Variants in TARS1 observed in about 807,000 individuals in gnomAD.
The protein encoded by TARS1 is threonyl-tRNA synthetase 1.
In TARS1, 57 loss-of-function variants were observed where a neutral mutation model predicts 97.7. The observed-to-expected ratio is 0.58, with a 90% CI of 0.47 to 0.73. TARS1 has a LOEUF of 0.73. Among genes scored for constraint, TARS1 ranks in the 30% least tolerant of loss-of-function variants. TARS1 has a pLI of 0.00. For synonymous variants in TARS1, 312 were observed against 293.7 expected (o/e 1.06, Z -0.64); for missense variants, 806 against 888.3 (o/e 0.91, Z 1.18).
chr5:33,459,054 T>C (rs896211759), intron 10 of TARS1, among the ~76,000 whole-genome samples: 1 of 152,206 alleles, frequency 6.6e-6, no homozygotes, highest in African/African-American at 2.4e-5. Context: ...TTAACAAATA[T>C]TCACATTGGG....
At position 33,460,883 on chromosome 5, in the gene TARS1, C is replaced by T; in HGVS notation, c.1251-19C>T. On this transcript the variant is annotated intron_variant, in intron 11 of 18. Transcript: ENST00000265112. ...AGTTTTATTCTTAAGTGTCCGTGGACTTTTCTTTTTCTCTTCAGCCTTATG... is the reference window on the plus strand; with the variant it reads ...AGTTTTATTCTTAAGTGTCCGTGGATTTTTCTTTTTCTCTTCAGCCTTATG... 1 of 1,613,256 alleles carries T rather than the reference C, an allele frequency of 6.2e-7. No homozygotes were observed. The highest frequency in any genetic ancestry group is 8.5e-7 in the Non-Finnish European group (1 of 1,179,734).
chr5:33,458,869 A>G (rs957804729), intron 10 of TARS1, among the ~76,000 whole-genome samples: 3 of 152,130 alleles, frequency 2.0e-5, no homozygotes, highest in African/African-American at 7.2e-5. Flanking sequence ...TTGAAGGGGG[A>G]CCTGTGGTCC....
In TARS1 at chr5:33,459,723, A is replaced by G; in HGVS notation, c.1112A>G (p.Glu371Gly). The G allele has an allele frequency of 6.2e-7, 1 of 1,614,170 alleles. No individual in the cohort carries two copies. Among genetic ancestry groups the G allele is most frequent in the Non-Finnish European group, 8.5e-7 (1 of 1,180,020 alleles). Reference sequence around the variant, plus strand: ...GAATATAGGAAAAGAGGATTCCAGGAGGTAGTCACCCCAAACATCTTCAAC... The same window carrying G: ...GAATATAGGAAAAGAGGATTCCAGGGGGTAGTCACCCCAAACATCTTCAAC... ...RSEYRKRGFQ[E>G]VVTPNIFNSR... The change falls in exon 11 of 19, where the codon GAG (glutamate) becomes GGG (glycine). Residue 371 changes from glutamate to glycine, a missense_variant. Physicochemically the swap from Glu to Gly is moderately conservative, Grantham distance 98 (BLOSUM62 -2). Coordinates refer to ENST00000265112, the MANE Select transcript of TARS1 (RefSeq NM_152295.5).
At chr5:33,457,206 T>G in intron 8 of TARS1, 51 bp from the exon 9 acceptor site, 5 of 1,592,168 alleles carry the variant, frequency 3.1e-6, no homozygotes, top group Non-Finnish European at 4.3e-6. Context: ...TTAAAATAAG[T>G]GAGATGTTTA....
chr5:33,458,932 C>A (rs1003651447), intron 10 of TARS1, among the ~76,000 whole-genome samples: 7 of 151,868 alleles, frequency 4.6e-5, no homozygotes, highest in Non-Finnish European at 7.4e-5. Flanking sequence ...TTTGTATTTT[C>A]TTTGAAAAAA....
intron 11 of TARS1, 167 bp downstream of exon 11, chr5:33,460,028 CTTTTTTTT>C: frequency 2.6e-6 from 1 of 379,730 alleles, no homozygotes; most frequent in Non-Finnish European, 4.4e-6. Context: ...TAGATCCCCA[CTTTTTTTT>C]TTTTTTTTTT....
chr5:33,463,940 T>C, intron 17 of TARS1, 115 bp downstream of exon 17: 1 of 890,178 alleles, frequency 1.1e-6, no homozygotes, highest in African/African-American at 1.7e-5. Flanking sequence ...GAAATGTTAC[T>C]ATTTTTAATC....
chr5:33,448,754 C>G, intron 3 of TARS1, 23 bp downstream of exon 3: 1 of 1,528,984 alleles, frequency 6.5e-7, no homozygotes, highest in African/African-American at 1.4e-5. Context: ...CCCATCATGA[C>G]CTTCCATAGT....
In TARS1 at chr5:33,467,880, G is replaced by T. The variant is rs754827792; in HGVS notation, c.*172G>T. 1.7e-6 allele frequency: 1 copy of T among 593,026 alleles called. No individual in the cohort carries two copies. The highest frequency in any genetic ancestry group is 2.7e-6 in the Non-Finnish European group (1 of 364,212). 36.7% of individuals were successfully genotyped at this position (593,026 alleles called of 1,614,324 possible). A position where few individuals can be genotyped will look rare whatever the true frequency, so the allele number is the denominator to read the frequency against. On this transcript the variant is annotated 3_prime_UTR_variant, in exon 19 of 19. Coordinates refer to ENST00000265112, the MANE Select transcript of TARS1 (RefSeq NM_152295.5). The stretch of plus-strand genomic sequence containing the variant: ...TTGACCTAGTCAGTTTTTAAACAAT[G>T]TGCATTTGAAGGAGTTAATTAAAAG...
chr5:33,450,284 T>C (rs1317729790), intron 3 of TARS1, among the ~76,000 whole-genome samples: 9 of 152,242 alleles, frequency 5.9e-5, no homozygotes, highest in Non-Finnish European at 1.0e-4. Flanking sequence ...TGTGGTTGAT[T>C]ATCATCAATT....
Position 33,462,110 on chromosome 5 carries a change from A to T in TARS1, c.1742A>T (p.Asp581Val). 1 of 1,612,084 alleles carries T rather than the reference A, an allele frequency of 6.2e-7. No homozygotes were observed. Among genetic ancestry groups the T allele is most frequent in the Non-Finnish European group, 8.5e-7 (1 of 1,179,424 alleles). Residue 581 changes from aspartate (D) to valine (V), a missense_variant, in exon 16 of 19, where the codon GAT (aspartate) becomes GTT (valine). Around this residue, in one of 3 missense-constraint regions of TARS1, gnomAD observed 446 missense variants for 511.0 expected, o/e 0.87. Transcript: ENST00000265112. ...FNLTYVSHDG[D>V]DKKRPVIVHR... ...TTTTTTCTTTATAGCCATGATGGTGATGATAAGAAAAGGCCAGTGATTGTT... is the reference window on the plus strand; with the variant it reads ...TTTTTTCTTTATAGCCATGATGGTGTTGATAAGAAAAGGCCAGTGATTGTT...
At chr5:33,443,320 C>CCTCCCTCTCTCTCTCTCT (rs1741221675) in intron 1 of TARS1, among the ~76,000 whole-genome samples, 3 of 118,486 alleles carry the variant, frequency 2.5e-5, no homozygotes, top group Admixed American at 9.2e-5. Context: ...TCTCTCTCTC[C>CCTCCCTCTCTCTCTCTCT]CTCTCTCTCT....
Position 33,441,053 on chromosome 5 carries a change from C to T in TARS1, c.-34C>T. On this transcript the variant is annotated 5_prime_UTR_variant, in exon 1 of 19. Transcript: ENST00000265112. ...TTGGCTCCTCTCCTCTAGGCCGTCG[C>T]TTTCGGGTTCTCTCATCGCTTCGTC... 1.9e-6 allele frequency: 3 copies of T among 1,614,174 alleles called. No homozygotes were observed. The South Asian group carries it at 3.3e-5, about 18-fold the overall frequency.
Position 33,461,880 on chromosome 5 carries a change from A to G in TARS1, c.1630-26A>G. 5 of 1,606,168 alleles carry G rather than the reference A, an allele frequency of 3.1e-6. No individual in the cohort carries two copies. In the African/African-American group the frequency reaches 6.7e-5, roughly 21 times the overall value. ...TCCACTTTAGTATCACTGGCATTTT[A>G]TAATAACCCAGTCTTTGCTTCTTAG... is the stretch of plus-strand genomic sequence containing the variant. On this transcript the variant is annotated intron_variant, in intron 14 of 18. Transcript: ENST00000265112.
At chr5:33,462,517 G>A (rs1742343697) in intron 16 of TARS1, among the ~76,000 whole-genome samples, 1 of 152,082 alleles carries the variant, frequency 6.6e-6, no homozygotes, top group African/African-American at 2.4e-5. Context: ...TAGTAACTTT[G>A]TTTTGGGATT....
intron 3 of TARS1, among the ~76,000 whole-genome samples, chr5:33,450,431 T>G (rs750069241): frequency 1.4e-4 from 22 of 152,342 alleles, no homozygotes; most frequent in Non-Finnish European, 2.4e-4. Context: ...GAGCATCTAC[T>G]GTACCACAGA....
intron 3 of TARS1, among the ~76,000 whole-genome samples, chr5:33,452,130 T>G (rs1191214118): frequency 1.3e-5 from 2 of 152,188 alleles, no homozygotes; most frequent in Non-Finnish European, 2.9e-5. Flanking sequence ...CCCTTAGACA[T>G]AGAGAGCCAC....
At chr5:33,442,001 C>T (rs1449743747) in intron 1 of TARS1, 1 of 152,210 alleles carries the variant, frequency 6.6e-6, no homozygotes, top group Non-Finnish European at 1.5e-5. Flanking sequence ...GTATTCTATA[C>T]ATGAAGGATC....
rs1396258309 is a variant in TARS1, at chr5:33,452,407, A to C, written c.330-882A>C. 5.9e-6 allele frequency: 9 copies of C among 1,535,206 alleles called. No homozygotes were observed. In the Admixed American group the frequency reaches 7.9e-5, roughly 13 times the overall value. ...TGCTTGCATCTGTGGCCATTCCCTCATCTGGAATGCCATGGCCTCCTCTTT... is the reference window on the plus strand; with the variant it reads ...TGCTTGCATCTGTGGCCATTCCCTCCTCTGGAATGCCATGGCCTCCTCTTT... On this transcript the variant is annotated intron_variant, in intron 3 of 18. Coordinates refer to ENST00000265112, the MANE Select transcript of TARS1 (RefSeq NM_152295.5).
Sources: allele counts gnomAD v4.1 joint callset (sites outside exome capture counted in the v4.1 genomes callset), GRCh38; gene constraint gnomAD v4.1.1; regional missense constraint gnomAD v4.1.1; transcripts MANE v1.5; gene names NCBI Gene and HGNC (gene_info 2026-07-23, HGNC 2026-07-21).